ACSM3: variants seen among roughly 807,000 people sequenced by gnomAD.
ACSM3 encodes the protein acyl-coenzyme A synthetase ACSM3, mitochondrial.
ACSM3 carries 61 observed loss-of-function variants against 74.1 expected under a neutral mutation model. That is an observed-to-expected ratio of 0.82 (90% CI 0.67 to 1.02). ACSM3 has a LOEUF of 1.02. Ranked by LOEUF, ACSM3 falls within the 50% of genes least tolerant of loss-of-function variation. The pLI is 0.00. For missense variants in ACSM3, 660 were observed against 697.0 expected, an observed-to-expected ratio of 0.95 and a Z score of 0.60; for synonymous variants, 213 against 241.5, an observed-to-expected ratio of 0.88 and a Z score of 1.09.
chr16:20,742,078 T>G (rs2079932563), intron 1 of ACSM3: 1 of 1,322,446 alleles, frequency 7.6e-7, no homozygotes, highest in African/African-American at 1.5e-5. Context: ...CCTTGGTACC[T>G]GTTCCTCCAG....
chr16:20,737,364 G>C, intron 1 of ACSM3: 1 of 1,432,792 alleles, frequency 7.0e-7, no homozygotes, highest in Middle Eastern at 1.8e-4. Context: ...TTTTGTCTCT[G>C]TTTCTTGTTA....
At chr16:20,763,329 C>T (rs1375746588), upstream of ACSM3, among the ~76,000 whole-genome samples, 1 of 152,162 alleles carries the variant, frequency 6.6e-6, no homozygotes, top group East Asian at 1.9e-4. Context: ...TAATAAGACA[C>T]CTCAGAAAAT....
At chr16:20,780,659 T>C (rs140807467) in intron 4 of ACSM3, 55 bp from the exon 5 acceptor site, 65 of 1,614,050 alleles carry the variant, frequency 4.0e-5, no homozygotes, top group African/African-American at 8.0e-5. Flanking sequence ...TTTTCAGTGG[T>C]AACAGTCTGT....
chr16:20,797,074 C>A lies in ACSM3; in HGVS notation c.*102C>A. ...AGGTCATAAAAACTGTGGTAGTATGCTTAGAAACTGTTGATTTAAAATATC... is the reference window on the plus strand; with the variant it reads ...AGGTCATAAAAACTGTGGTAGTATGATTAGAAACTGTTGATTTAAAATATC... On this transcript the variant is annotated 3_prime_UTR_variant, in exon 14 of 14. Transcript: ENST00000289416. 2 of 1,453,610 alleles carry A rather than the reference C, an allele frequency of 1.4e-6. No homozygotes were observed. Among genetic ancestry groups the A allele is most frequent in the Non-Finnish European group, 1.8e-6 (2 of 1,107,372 alleles). 90.0% of individuals were successfully genotyped at this position (1,453,610 alleles called of 1,614,324 possible). A position where few individuals can be genotyped will look rare whatever the true frequency, so the allele number is the denominator to read the frequency against.
intron 1 of ACSM3, among the ~76,000 whole-genome samples, chr16:20,712,551 A>AT (rs1491359505): frequency 6.6e-6 from 1 of 152,178 alleles, no homozygotes; most frequent in Non-Finnish European, 1.5e-5. Flanking sequence ...TGTAAAAAAA[A>AT]GAGTAAAATA....
chr16:20,696,598 T>C (rs572476498), intron 1 of ACSM3, among the ~76,000 whole-genome samples: 2 of 152,344 alleles, frequency 1.3e-5, no homozygotes, highest in South Asian at 4.1e-4. Context: ...AAAGAGTTCC[T>C]ACCCTGTTAG....
Position 20,796,387 on chromosome 16 carries a change from C to A in ACSM3, c.1572C>A (p.Val524=). Residue 524 remains valine (V), a synonymous_variant, in exon 13 of 14, where the codon GTC becomes GTA. Coordinates refer to ENST00000289416, the MANE Select transcript of ACSM3 (RefSeq NM_005622.4). ...PIRGEVVKAF[V]VLNPDYKSHD... is the part of the protein sequence containing the mutation. ...TATTTTAGGTAGTAAAGGCTTTTGT[C>A]GTTCTAAATCCTGATTACAAGTCAC... 1.2e-6 allele frequency: 2 copies of A among 1,610,602 alleles called. No homozygotes were observed. The highest frequency in any genetic ancestry group is 2.2e-5 in the South Asian group (2 of 90,342).
chr16:20,742,813 A>ATATATATATATATAT (rs61582869), intron 1 of ACSM3, among the ~76,000 whole-genome samples: 9 of 66,818 alleles, frequency 1.3e-4, no homozygotes, highest in South Asian at 1.3e-3. Context: ...ATATATATAT[A>ATATATATATATATAT]TTTTTTTTTT....
chr16:20,706,822 G>A (rs1228910024), intron 1 of ACSM3, among the ~76,000 whole-genome samples: 2 of 152,142 alleles, frequency 1.3e-5, no homozygotes, highest in East Asian at 3.9e-4. Flanking sequence ...CTCAGCTGCA[G>A]TAAGCAATCA....
chr16:20,715,092 G>T (rs760933023), intron 1 of ACSM3, among the ~76,000 whole-genome samples: 34 of 152,166 alleles, frequency 2.2e-4, no homozygotes, highest in Non-Finnish European at 3.7e-4. Context: ...TTTCCATACT[G>T]GATTGAGAAG....
intron 1 of ACSM3, among the ~76,000 whole-genome samples, chr16:20,747,451 C>T (rs1209558672): frequency 6.6e-6 from 1 of 152,168 alleles, no homozygotes; most frequent in Non-Finnish European, 1.5e-5. Flanking sequence ...TCAAACTGGC[C>T]AACCCCCTTT....
At chr16:20,733,834 T>G (rs1469670874) in intron 1 of ACSM3, 1 of 152,110 alleles carries the variant, frequency 6.6e-6, no homozygotes, top group Non-Finnish European at 1.5e-5. Flanking sequence ...CATTCTTTCC[T>G]CTATGGAGCT....
intron 1 of ACSM3, chr16:20,737,811 CA>C: frequency 6.2e-7 from 1 of 1,613,822 alleles, no homozygotes; most frequent in Non-Finnish European, 8.5e-7. Flanking sequence ...ACCAGGGTTC[CA>C]AAAATGTTTC....
chr16:20,686,777 C>T (rs968556087), intron 1 of ACSM3, among the ~76,000 whole-genome samples: 2 of 151,202 alleles, frequency 1.3e-5, no homozygotes, highest in African/African-American at 2.4e-5. Context: ...GCATTCCAGC[C>T]TGGGAGACAG....
At chr16:20,737,151 A>G in intron 1 of ACSM3, 1 of 1,614,150 alleles carries the variant, frequency 6.2e-7, no homozygotes, top group East Asian at 2.2e-5. Context: ...CACCTCCTGG[A>G]GATTGTATTT....
chr16:20,747,457 C>G (rs966285799), intron 1 of ACSM3, among the ~76,000 whole-genome samples: 1 of 152,152 alleles, frequency 6.6e-6, no homozygotes, highest in Non-Finnish European at 1.5e-5. Context: ...TGGCCAACCC[C>G]CTTTCAAATT....
At chr16:20,721,552 G>T (rs2079785642) in intron 1 of ACSM3, 1 of 152,214 alleles carries the variant, frequency 6.6e-6, no homozygotes, top group Admixed American at 6.5e-5. Flanking sequence ...AGCAGAGTAG[G>T]GCTGAGACTG....
intron 2 of ACSM3, among the ~76,000 whole-genome samples, chr16:20,753,787 A>G (rs1222469919): frequency 6.6e-6 from 1 of 152,074 alleles, no homozygotes; most frequent in African/African-American, 2.4e-5. Flanking sequence ...TTATTTTCAC[A>G]TGGGAAATAT....
intron 1 of ACSM3, among the ~76,000 whole-genome samples, chr16:20,676,472 G>A (rs2020284120): frequency 6.6e-6 from 1 of 152,184 alleles, no homozygotes; most frequent in Admixed American, 6.5e-5. Context: ...ATCAGTGCAT[G>A]GTGGACACAG....
Sources: gnomAD v4.1 joint callset for allele counts (sites outside exome capture counted in the v4.1 genomes callset) on GRCh38, gnomAD v4.1.1 for gene constraint, MANE v1.5 for transcripts, NCBI Gene and HGNC (gene_info 2026-07-23, HGNC 2026-07-21) for gene names.